Variants in VPS39 observed in about 807,000 individuals in gnomAD.
The protein encoded by VPS39 is VPS39 subunit of HOPS complex.
Under a neutral mutation model 121.0 loss-of-function variants are expected in VPS39, and 70 were observed. The observed-to-expected ratio is 0.58, with a 90% CI of 0.48 to 0.71. The LOEUF (loss-of-function observed/expected upper bound fraction) is 0.71, where lower values mean the gene tolerates loss of function less well. VPS39 is among the 30% of genes least tolerant of loss of function. The probability of loss-of-function intolerance (pLI) is 0.00; values close to 1 mark genes in which losing one functional copy is unlikely to be tolerated. For synonymous variants in VPS39, 378 were observed against 398.1 expected, an observed-to-expected ratio of 0.95 and a Z score of 0.60; for missense variants, 818 against 1,051.5, an observed-to-expected ratio of 0.78 and a Z score of 3.07.
In VPS39 at chr15:42,163,722, A is replaced by G. The variant is rs778314772; in HGVS notation, c.2033T>C (p.Leu678Ser). Residue 678 changes from leucine (L) to serine (S), a missense_variant, in exon 20 of 25, where the codon TTA becomes TCA. Physicochemically the swap from Leu to Ser is moderately radical, Grantham distance 145. Coordinates refer to ENST00000318006, the MANE Select transcript of VPS39 (RefSeq NM_015289.5). ...CCCCAACAGGAGAGCTCGTTCTTCT[A>G]AGAGGCCTAGGAGGAAAAGGAATAT... ...LICDFPFDGL[L>S]EERALLLGRM... 1.9e-6 allele frequency: 3 copies of G among 1,611,428 alleles called. No individual in the cohort carries two copies. The highest frequency in any genetic ancestry group is 1.1e-5 in the South Asian group (1 of 90,482).
intron 1 of VPS39, among the ~76,000 whole-genome samples, chr15:42,200,470 T>G (rs1456853220): frequency 6.6e-6 from 1 of 152,230 alleles, no homozygotes; most frequent in Non-Finnish European, 1.5e-5. Flanking sequence ...TAAATGCTTT[T>G]ACTTTCAGGA....
intron 8 of VPS39, chr15:42,184,054 C>CAAAAAAAA (rs34358912): frequency 1.9e-4 from 11 of 57,840 alleles, no homozygotes; most frequent in African/African-American, 2.9e-4. Flanking sequence ...CTCTAAGCTA[C>CAAAAAAAA]AAAAAAAAAA....
chr15:42,167,032 A>G lies in VPS39; in HGVS notation c.1378-119T>C, dbSNP rs1019881506. 25 of 1,435,418 alleles carry G rather than the reference A, an allele frequency of 1.7e-5. No homozygotes were observed. The Admixed American group carries it at 3.7e-4, about 21-fold the overall frequency. 88.9% of individuals were successfully genotyped at this position (1,435,418 alleles called of 1,614,324 possible). On this transcript the variant is annotated intron_variant, in intron 13 of 24. Coordinates refer to ENST00000318006, the MANE Select transcript of VPS39 (RefSeq NM_015289.5). ...GTAGCACAAGCAAGAGAAAGCAGAC[A>G]GCCCTCTTTCAGGACAGCAGGTAGA... is the stretch of plus-strand genomic sequence containing the variant.
chr15:42,191,954 C>G lies in VPS39; in HGVS notation c.140-394G>C. On this transcript the variant is annotated intron_variant, in intron 2 of 24. Transcript: ENST00000318006. ...AACCCAGCCCAAAGCATCCTTAGAT[C>G]TAGACCAACTAATTTCCAGCAACTA... 5 of 1,315,126 alleles carry G rather than the reference C, an allele frequency of 3.8e-6. 1 individual carries two copies. In the South Asian group the frequency reaches 6.4e-5, roughly 17 times the overall value. 81.5% of individuals were successfully genotyped at this position (1,315,126 alleles called of 1,614,324 possible). A position where few individuals can be genotyped will look rare whatever the true frequency, so the allele number is the denominator to read the frequency against.
rs573252189 is a variant in VPS39 at position 42,184,620 on chromosome 15, T to C, written c.615A>G (p.Gly205=). The C allele has an allele frequency of 5.6e-6, 9 of 1,614,200 alleles. No individual in the cohort carries two copies. In the South Asian group the frequency reaches 9.9e-5, roughly 18 times the overall value. The change falls in exon 8 of 25, where the codon GGA becomes GGG. Residue 205 remains glycine, a synonymous_variant. Coordinates refer to ENST00000318006, the MANE Select transcript of VPS39 (RefSeq NM_015289.5). ...GATCATCCTGGCCCACAGCCACTTT[T>C]CCATCTGCCAGAGGTGCAACTAAGG... is the stretch of plus-strand genomic sequence containing the variant. The part of the protein sequence containing the change: ...LEPLVAPLAD[G]KVAVGQDDLT...
intron 11 of VPS39, among the ~76,000 whole-genome samples, chr15:42,172,106 T>A (rs1047708661): frequency 1.2e-4 from 18 of 152,306 alleles, no homozygotes; most frequent in Admixed American, 1.1e-3. Context: ...CACTCCTCCA[T>A]CAAGAGAGGA....
intron 17 of VPS39, chr15:42,165,477 C>G (rs1350722093): frequency 2.1e-6 from 1 of 477,352 alleles, no homozygotes; most frequent in African/African-American, 1.9e-5. Flanking sequence ...CCAAATGTGG[C>G]TTTGGAATTT....
intron 2 of VPS39, among the ~76,000 whole-genome samples, chr15:42,195,846 A>C (rs1180059769): frequency 1.3e-5 from 2 of 152,250 alleles, no homozygotes; most frequent in Admixed American, 6.5e-5. Flanking sequence ...AAACCAAAAA[A>C]GAGCCTGCAT....
chr15:42,161,479 A>T (rs913095599), intron 24 of VPS39: 1 of 702,980 alleles, frequency 1.4e-6, no homozygotes, highest in South Asian at 1.5e-5. Context: ...CATACCATAC[A>T]TTGCAGGTCT....
rs1402983252 is a variant in VPS39, at chr15:42,194,651, T to C, written c.140-3091A>G. ...GAGAGGCTGAGGCGGGAGGATCGCC[T>C]GAGCCTAGGAGTTATAGGTTGCAGT... On this transcript the variant is annotated intron_variant, in intron 2 of 24. Transcript: ENST00000318006. 2.6e-5 allele frequency among the ~76,000 whole-genome samples: 4 copies of C among 152,150 alleles called. No homozygotes were observed. In the East Asian group the frequency reaches 5.8e-4, roughly 22 times the overall value.
rs531233766 is a variant in VPS39, at chr15:42,164,191, C to T, written c.2026+167G>A. On this transcript the variant is annotated intron_variant, in intron 19 of 24. Coordinates refer to ENST00000318006, the MANE Select transcript of VPS39 (RefSeq NM_015289.5). ...CCAGGAAGGAGACTTTTCTCAGTCACGGTACAAAAGTGAGTCTTCAGAGAG... is the reference window on the plus strand; with the variant it reads ...CCAGGAAGGAGACTTTTCTCAGTCATGGTACAAAAGTGAGTCTTCAGAGAG... Among the ~76,000 whole-genome samples, 145 of 152,290 alleles carry T rather than the reference C, an allele frequency of 9.5e-4. 1 individual carries two copies. Among genetic ancestry groups the T allele is most frequent in the Non-Finnish European group, 1.6e-3 (111 of 68,016 alleles).
At position 42,208,070 on chromosome 15, in the gene VPS39, C is replaced by G; in HGVS notation, c.73+11G>C. On this transcript the variant is annotated intron_variant, in intron 1 of 24. Transcript: ENST00000318006. Reference sequence around the variant, plus strand: ...CTGACTCCGCCTCGGCCCCGCGGCCCCTCGGCTCACCCCAGGCAGCCAGAC... The same window carrying G: ...CTGACTCCGCCTCGGCCCCGCGGCCGCTCGGCTCACCCCAGGCAGCCAGAC... 1 of 1,573,832 alleles carries G rather than the reference C, an allele frequency of 6.4e-7. No homozygotes were observed. Among genetic ancestry groups the G allele is most frequent in the Non-Finnish European group, 8.6e-7 (1 of 1,158,972 alleles).
rs1158199410 is a variant in VPS39 at position 42,160,652 on chromosome 15, G to C, written c.*102C>G. 5.0e-6 allele frequency: 5 copies of C among 1,001,312 alleles called. No individual in the cohort carries two copies. The highest frequency in any genetic ancestry group is 5.0e-4 in the Middle Eastern group (2 of 4,030). 62.0% of individuals were successfully genotyped at this position (1,001,312 alleles called of 1,614,324 possible). A position where few individuals can be genotyped will look rare whatever the true frequency, so the allele number is the denominator to read the frequency against. On this transcript the variant is annotated 3_prime_UTR_variant, in exon 25 of 25. Coordinates refer to ENST00000318006, the MANE Select transcript of VPS39 (RefSeq NM_015289.5). ...AGATAGCCAGTAATGTCCAAATGGGGAGCCTTGTGGTGGTGGCAGCCAGGA... is the reference window on the plus strand; with the variant it reads ...AGATAGCCAGTAATGTCCAAATGGGCAGCCTTGTGGTGGTGGCAGCCAGGA...
chr15:42,179,166 T>C (rs2049521785), intron 8 of VPS39: 1 of 152,392 alleles, frequency 6.6e-6, no homozygotes, highest in Non-Finnish European at 1.5e-5. Context: ...TCCTTTTTCA[T>C]CAGTCACAAA....
intron 10 of VPS39, among the ~76,000 whole-genome samples, chr15:42,177,043 G>A (rs2049465332): frequency 6.6e-6 from 1 of 151,498 alleles, no homozygotes; most frequent in South Asian, 2.1e-4. Flanking sequence ...CATGCTTGTG[G>A]TCCCAGCAAC....
chr15:42,172,572 C>T (rs751848993), intron 11 of VPS39, among the ~76,000 whole-genome samples: 2 of 152,234 alleles, frequency 1.3e-5, no homozygotes, highest in Non-Finnish European at 2.9e-5. Flanking sequence ...AGCTAATACA[C>T]TAGCAGAGGG....
chr15:42,176,876 T>C (rs1200973066), intron 10 of VPS39, among the ~76,000 whole-genome samples: 1 of 152,128 alleles, frequency 6.6e-6, no homozygotes, highest in Non-Finnish European at 1.5e-5. Flanking sequence ...AGTATCACTA[T>C]CTGAGGCTGG....
intron 11 of VPS39, 29 bp downstream of exon 11, chr15:42,173,694 C>T (rs1465733955): frequency 6.2e-7 from 1 of 1,608,784 alleles, no homozygotes; most frequent in Non-Finnish European, 8.5e-7. Context: ...TCCATTAGTC[C>T]CTTATATAAA....
At position 42,199,889 on chromosome 15, in the gene VPS39, C is replaced by A; in HGVS notation, c.139+7G>T. On this transcript the variant is annotated splice_region_variant and intron_variant, in intron 2 of 24. Coordinates refer to ENST00000318006, the MANE Select transcript of VPS39 (RefSeq NM_015289.5). ...CTTATTTTTTTGCATGAGCAATGTG[C>A]ACTTACCAACGTCCTTCCGAATCCT... 6.3e-7 allele frequency: 1 copy of A among 1,584,732 alleles called. No individual in the cohort carries two copies. Among genetic ancestry groups the A allele is most frequent in the South Asian group, 1.2e-5 (1 of 85,002 alleles).
Sources: allele counts gnomAD v4.1 joint callset (sites outside exome capture counted in the v4.1 genomes callset), GRCh38; gene constraint gnomAD v4.1.1; transcripts MANE v1.5; gene names NCBI Gene and HGNC (gene_info 2026-07-23, HGNC 2026-07-21).